Variants in RALGPS1 observed in about 807,000 individuals in gnomAD.
RALGPS1 encodes ras-specific guanine nucleotide-releasing factor RalGPS1.
A neutral mutation model predicts 78.8 loss-of-function variants in RALGPS1; 19 were observed. That is an observed-to-expected ratio of 0.24 (90% CI 0.17 to 0.35). RALGPS1 has a LOEUF of 0.35. RALGPS1 is among the 10% of genes least tolerant of loss of function. RALGPS1 has a pLI of 1.00. For missense variants in RALGPS1, 454 were observed against 688.3 expected, an observed-to-expected ratio of 0.66 and a Z score of 3.81; for synonymous variants, 228 against 256.3, an observed-to-expected ratio of 0.89 and a Z score of 1.06.
intron 1 of RALGPS1, among the ~76,000 whole-genome samples, chr9:126,926,538 T>C (rs2035298018): frequency 6.6e-6 from 1 of 151,892 alleles, no homozygotes; most frequent in Admixed American, 6.6e-5. Context: ...TGGTGGAGGA[T>C]GGAGGGAGGA....
chr9:126,981,135 G>A (rs150480183), intron 4 of RALGPS1, among the ~76,000 whole-genome samples: 1 of 152,238 alleles, frequency 6.6e-6, no homozygotes, highest in East Asian at 1.9e-4. Flanking sequence ...AAAAAAGAAG[G>A]TACCTGAGGG....
In RALGPS1 at chr9:127,183,938, C is replaced by T. The variant is rs563408106; in HGVS notation, c.910+9156C>T. 1 of 1,550,510 alleles carries T rather than the reference C, an allele frequency of 6.4e-7. No individual in the cohort carries two copies. The highest frequency in any genetic ancestry group is 1.2e-5 in the South Asian group (1 of 84,052). ...AAGACTCAAACCCACCTCTGGCCAA[C>T]ACCCTGCCTGGATGTGGCCCAGCTC... On this transcript the variant is annotated intron_variant, in intron 11 of 18. Transcript: ENST00000259351. This position sits in a 1 kb window ranked among gnomAD's most constrained non-coding sequence, Gnocchi z 4.0.
intron 7 of RALGPS1, among the ~76,000 whole-genome samples, chr9:127,053,479 T>A (rs185878552): frequency 6.6e-6 from 1 of 152,300 alleles, no homozygotes; most frequent in East Asian, 1.9e-4. Flanking sequence ...AAAAATACTT[T>A]AAAAATATCT....
At position 127,196,647 on chromosome 9, in the gene RALGPS1, C is replaced by G; in HGVS notation, c.1195+16C>G. The G allele has an allele frequency of 6.3e-7, 1 of 1,575,136 alleles. No individual in the cohort carries two copies. Among genetic ancestry groups the G allele is most frequent in the Non-Finnish European group, 8.6e-7 (1 of 1,158,778 alleles). On this transcript the variant is annotated intron_variant, in intron 13 of 18. Transcript: ENST00000259351. The stretch of plus-strand genomic sequence containing the variant: ...CTCTCCCTAGGTAAGCGTCTCCGGC[C>G]TGCACATGATAGGCTGGTGGGCTGT...
intron 8 of RALGPS1, among the ~76,000 whole-genome samples, chr9:127,150,234 T>C (rs973601649): frequency 6.6e-6 from 1 of 152,180 alleles, no homozygotes; most frequent in Admixed American, 6.5e-5. Context: ...TCCCACCCCA[T>C]GCTCTGAGGC....
intron 4 of RALGPS1, among the ~76,000 whole-genome samples, chr9:126,988,880 G>T (rs2042033415): frequency 6.6e-6 from 1 of 152,144 alleles, no homozygotes; most frequent in Non-Finnish European, 1.5e-5. Context: ...TGGCCCTAGA[G>T]GTAGGAGGAG....
At chr9:126,998,020 C>A (rs2042934105) in intron 4 of RALGPS1, among the ~76,000 whole-genome samples, 1 of 152,134 alleles carries the variant, frequency 6.6e-6, no homozygotes, top group Admixed American at 6.5e-5. Flanking sequence ...AAAATTAATT[C>A]AAGATGGATT....
chr9:126,995,013 A>C (rs2042607457), intron 4 of RALGPS1, among the ~76,000 whole-genome samples: 1 of 152,250 alleles, frequency 6.6e-6, no homozygotes, highest in African/African-American at 2.4e-5. Flanking sequence ...CCTGCCCTAC[A>C]AGAGCTCCTG....
rs574894790 is a variant in RALGPS1 at position 127,004,962 on chromosome 9, T to C, written c.216+27217T>C. Among the ~76,000 whole-genome samples, 4 of 152,336 alleles carry C rather than the reference T, an allele frequency of 2.6e-5. No individual in the cohort carries two copies. In the East Asian group the frequency reaches 7.7e-4, roughly 29 times the overall value. ...TTTTGGAAGACCCTTCAAAATTGTT[T>C]ATTGCATTGCCAAGCAAAAGAAGTC... On this transcript the variant is annotated intron_variant, in intron 4 of 18. Coordinates refer to ENST00000259351, the MANE Select transcript of RALGPS1 (RefSeq NM_014636.3).
intron 8 of RALGPS1, among the ~76,000 whole-genome samples, chr9:127,129,824 G>A (rs2138153856): frequency 6.6e-6 from 1 of 152,316 alleles, no homozygotes; most frequent in Admixed American, 6.5e-5. Context: ...CCCTGGGCTG[G>A]GCTGGGTAAT....
chr9:127,004,998 G>C (rs78426892), intron 4 of RALGPS1, among the ~76,000 whole-genome samples: 5 of 152,166 alleles, frequency 3.3e-5, no homozygotes, highest in African/African-American at 1.2e-4. Context: ...ACTCTGGTAG[G>C]AGAGAACTTG....
At chr9:127,196,754 C>G (rs907476018) in intron 13 of RALGPS1, 123 bp downstream of exon 13, 1 of 1,173,996 alleles carries the variant, frequency 8.5e-7, no homozygotes, top group Admixed American at 2.6e-5. Context: ...ACCCAGTGGC[C>G]CCTCACCTCC....
intron 1 of RALGPS1, among the ~76,000 whole-genome samples, chr9:126,925,559 A>G (rs201532413): frequency 1.7e-5 from 1 of 58,454 alleles, no homozygotes; most frequent in Non-Finnish European, 5.5e-5. Flanking sequence ...AAAAAAAAGA[A>G]AAAAAAAAAA....
intron 11 of RALGPS1, among the ~76,000 whole-genome samples, chr9:127,181,693 T>C (rs2060232698): frequency 6.6e-6 from 1 of 152,166 alleles, no homozygotes; most frequent in Non-Finnish European, 1.5e-5. Context: ...GCCTGGCTGC[T>C]TGTGGCAAGA....
intron 8 of RALGPS1, among the ~76,000 whole-genome samples, chr9:127,109,694 G>A (rs1223160193): frequency 2.0e-5 from 3 of 152,248 alleles, no homozygotes; most frequent in Non-Finnish European, 4.4e-5. Context: ...TGGACAGCAT[G>A]CTAGTGGCTA....
In RALGPS1 at chr9:127,152,943, A is replaced by G. The variant is rs114538715; in HGVS notation, c.611-13126A>G. On this transcript the variant is annotated intron_variant, in intron 8 of 18. Transcript: ENST00000259351. ...TGAGAAAGTTACAGGTACTATCTCT[A>G]TCTCCCAGATGAAGAAAGCAAGGTC... Among the ~76,000 whole-genome samples the G allele has an allele frequency of 4.4e-3, 672 of 152,298 alleles. 6 individuals are homozygous for G. The highest frequency in any genetic ancestry group is 0.015 in the African/African-American group (640 of 41,544).
chr9:127,126,419 T>A (rs2056622509), intron 8 of RALGPS1, among the ~76,000 whole-genome samples: 1 of 152,224 alleles, frequency 6.6e-6, no homozygotes, highest in African/African-American at 2.4e-5. Context: ...TTACTAAATT[T>A]GGGGATATGG....
At chr9:127,056,989 C>A (rs566643726) in intron 7 of RALGPS1, among the ~76,000 whole-genome samples, 1 of 152,242 alleles carries the variant, frequency 6.6e-6, no homozygotes, top group South Asian at 2.1e-4. Context: ...GCCATAACAT[C>A]CCCAAAGGTC....
intron 3 of RALGPS1, among the ~76,000 whole-genome samples, chr9:126,975,672 C>T (rs1474387049): frequency 2.0e-5 from 3 of 152,184 alleles, no homozygotes; most frequent in African/African-American, 7.2e-5. Context: ...TTGCACTGCT[C>T]AGGACATAGT....
Sources: gnomAD v4.1 joint callset for allele counts (sites outside exome capture counted in the v4.1 genomes callset) on GRCh38, gnomAD v4.1.1 for gene constraint, Gnocchi (gnomAD v3.1) non-coding constraint, MANE v1.5 for transcripts, NCBI Gene and HGNC (gene_info 2026-07-23, HGNC 2026-07-21) for gene names.